NAXE: variants seen among roughly 807,000 people sequenced by gnomAD.
NAXE encodes NAD(P)H-hydrate epimerase.
In NAXE, 25 loss-of-function variants were observed where a neutral mutation model predicts 31.2. The ratio of observed to expected loss-of-function variants is 0.80; its 90% CI spans 0.58 to 1.12. The LOEUF (loss-of-function observed/expected upper bound fraction) is 1.12. Ranked by LOEUF, NAXE falls within the 50% of genes most tolerant of loss-of-function variation. NAXE has a pLI of 0.00. For missense variants in NAXE, 362 were observed against 376.1 expected (o/e 0.96, Z 0.31); for synonymous variants, 144 against 154.5 (o/e 0.93, Z 0.50).
Position 156,591,781 on chromosome 1 carries a change from G to GGGCCT in NAXE, c.-22_-21insCCTGG. The GGGCCT allele has an allele frequency of 1.3e-6, 2 of 1,491,226 alleles. No individual in the cohort carries two copies. The highest frequency in any genetic ancestry group is 1.3e-5 in the South Asian group (1 of 78,860). 92.4% of individuals were successfully genotyped at this position (1,491,226 alleles called of 1,614,324 possible). A position where few individuals can be genotyped will look rare whatever the true frequency, so the allele number is the denominator to read the frequency against. The stretch of plus-strand genomic sequence containing the variant: ...ACATGCGCCGGGGCCGGGCCGGGCC[G>GGGCCT]GGGGCGCGCGCTCTGCGAGCTGGAT... On this transcript the variant is annotated 5_prime_UTR_variant, in exon 1 of 6. Transcript: ENST00000368235.
At chr1:156,593,714 T>C in intron 5 of NAXE, 159 bp downstream of exon 5, 4 of 1,335,952 alleles carry the variant, frequency 3.0e-6, no homozygotes, top group Non-Finnish European at 4.1e-6. Flanking sequence ...CCCCTTTACA[T>C]GTTGGCCCCA....
At position 156,591,876 on chromosome 1, in the gene NAXE, C is replaced by G; in HGVS notation, c.72C>G (p.Ser24Arg). Residue 24 changes from serine (S) to arginine (R), a missense_variant, in exon 1 of 6, where the codon AGC becomes AGG. Coordinates refer to ENST00000368235, the MANE Select transcript of NAXE (RefSeq NM_144772.3). ...VAGSRVPRIK[S>R]QTIACRSGPT... Reference sequence around the variant, plus strand: ...GCTCGCGCGTGCCGCGGATCAAAAGCCAGACCATCGCCTGTCGCTCGGGAC... The same window carrying G: ...GCTCGCGCGTGCCGCGGATCAAAAGGCAGACCATCGCCTGTCGCTCGGGAC... 6.2e-7 allele frequency: 1 copy of G among 1,612,338 alleles called. No individual in the cohort carries two copies. Among genetic ancestry groups the G allele is most frequent in the Non-Finnish European group, 8.5e-7 (1 of 1,179,660 alleles).
Position 156,593,967 on chromosome 1 carries a change from G to A in NAXE, c.750G>A (p.Gln250=). 1 of 1,614,180 alleles carries A rather than the reference G, an allele frequency of 6.2e-7. No individual in the cohort carries two copies. Among genetic ancestry groups the A allele is most frequent in the Non-Finnish European group, 8.5e-7 (1 of 1,180,024 alleles). The part of the protein sequence containing the change: ...SLTAPKKSAT[Q]FTGRYHYLGG... ...CAGCCCCCAAAAAATCTGCAACCCAGTTTACCGGTCGCTACCATTACCTGG... is the reference window on the plus strand; with the variant it reads ...CAGCCCCCAAAAAATCTGCAACCCAATTTACCGGTCGCTACCATTACCTGG... The change falls in exon 6 of 6, where the codon CAG becomes CAA. Residue 250 remains glutamine, a synonymous_variant. Transcript: ENST00000368235.
intron 4 of NAXE, 55 bp downstream of exon 4, chr1:156,592,725 G>A: frequency 6.7e-7 from 1 of 1,482,228 alleles, no homozygotes. Flanking sequence ...CCTGTGCTCT[G>A]CTCTTCCTTC....
chr1:156,592,470 CTCTT>C lies in NAXE; in HGVS notation c.399_402del (p.Phe134AlafsTer21). Reference sequence around the variant, plus strand: ...TCTGGTCTGTGCTCGACACCTCAAACTCTTTGTGAGTATGTGGGGAGGGGCTGTG... The same window carrying C: ...TCTGGTCTGTGCTCGACACCTCAAACTGTGAGTATGTGGGGAGGGGCTGTG... On this transcript the variant is annotated frameshift_variant and splice_region_variant, in exon 3 of 6. Coordinates refer to ENST00000368235, the MANE Select transcript of NAXE (RefSeq NM_144772.3). LOFTEE classifies it high-confidence loss of function. The C allele has an allele frequency of 6.2e-7, 1 of 1,614,124 alleles. No homozygotes were observed. Among genetic ancestry groups the C allele is most frequent in the East Asian group, 2.2e-5 (1 of 44,876 alleles).
At chr1:156,592,343 C>G in intron 2 of NAXE, 22 bp from the exon 3 acceptor site, 1 of 1,612,324 alleles carries the variant, frequency 6.2e-7, no homozygotes. Context: ...CCCCGCCGAA[C>G]CACCCTTGAC....
chr1:156,592,941 G>A (rs544457190), intron 4 of NAXE: 18 of 493,950 alleles, frequency 3.6e-5, no homozygotes, highest in Non-Finnish European at 5.8e-5. Flanking sequence ...CTAGCATGCA[G>A]TAAACACATG....
At chr1:156,592,266 C>T (rs930865645) in intron 2 of NAXE, 57 bp downstream of exon 2, 1 of 1,605,178 alleles carries the variant, frequency 6.2e-7, no homozygotes, top group Non-Finnish European at 8.5e-7. Context: ...ACTGTCCCAG[C>T]CCCCTGGCCT....
chr1:156,591,931 T>C lies in NAXE; in HGVS notation c.127T>C (p.Ser43Pro), dbSNP rs757574137. The change falls in exon 1 of 6, where the codon TCG (serine) becomes CCG (proline). Residue 43 changes from serine (S) to proline (P), a missense_variant. Transcript: ENST00000368235. ...PTWWGPQRLN[S>P]GGRWDSEVMA... ...CTGGTGGGGACCGCAGCGGCTGAAC[T>C]CGGGTGGCCGCTGGGACTCAGAGGT... The C allele has an allele frequency of 5.6e-6, 9 of 1,612,702 alleles. No individual in the cohort carries two copies. Among genetic ancestry groups the C allele is most frequent in the Non-Finnish European group, 6.8e-6 (8 of 1,179,708 alleles).
At position 156,593,571 on chromosome 1, in the gene NAXE, AG is replaced by A. The variant is rs1453618709; in HGVS notation, c.664+18del. On this transcript the variant is annotated intron_variant, in intron 5 of 5. Transcript: ENST00000368235. ...ATTCCCTCAGGTGCTGGGATCCAGAAGGTGGGGTGGGGGAGATTGGGGCCCT... is the reference window on the plus strand; with the variant it reads ...ATTCCCTCAGGTGCTGGGATCCAGAAGTGGGGTGGGGGAGATTGGGGCCCT... 6.2e-7 allele frequency: 1 copy of A among 1,614,102 alleles called. No individual in the cohort carries two copies. The highest frequency in any genetic ancestry group is 1.7e-5 in the Admixed American group (1 of 60,008).
Position 156,593,519 on chromosome 1 carries a change from CT to C in NAXE, c.629del (p.Leu210ProfsTer64). On this transcript the variant is annotated frameshift_variant, in exon 5 of 6. Coordinates refer to ENST00000368235, the MANE Select transcript of NAXE (RefSeq NM_144772.3). LOFTEE classifies it high-confidence loss of function. ...FHSILSVLKG[L>X]TVPIASIDIP... is the part of the protein sequence containing the mutation. ...CAGCATCCTGAGTGTCCTGAAGGGA[CT>C]CACTGTGCCCATTGCCAGCATCGAC... The C allele has an allele frequency of 6.2e-7, 1 of 1,614,204 alleles. No homozygotes were observed. Among genetic ancestry groups the C allele is most frequent in the Non-Finnish European group, 8.5e-7 (1 of 1,180,034 alleles).
rs770023429 is a variant in NAXE at position 156,593,950 on chromosome 1, A to C, written c.733A>C (p.Lys245Gln). Residue 245 changes from lysine to glutamine, a missense_variant, in exon 6 of 6, where the codon AAA (lysine) becomes CAA (glutamine). Lys to Gln is a moderately conservative substitution (Grantham distance 53). Transcript: ENST00000368235. ...PDLLISLTAPKKSATQFTGRY... is the reference protein window; with the variant it reads ...PDLLISLTAPQKSATQFTGRY... Reference sequence around the variant, plus strand: ...CTTGCTCATATCCCTCACAGCCCCCAAAAAATCTGCAACCCAGTTTACCGG... The same window carrying C: ...CTTGCTCATATCCCTCACAGCCCCCCAAAAATCTGCAACCCAGTTTACCGG... 2.5e-5 allele frequency: 40 copies of C among 1,612,226 alleles called. No individual in the cohort carries two copies. In the East Asian group the frequency reaches 2.7e-4, roughly 11 times the overall value.
rs1020203921 is a variant in NAXE, at chr1:156,592,796, C to T, written c.516+126C>T. On this transcript the variant is annotated intron_variant, in intron 4 of 5. Transcript: ENST00000368235. ...CGGAAGGTGCCTAACGGATGGTATT[C>T]GAATAAGTGTGCAAGAGCCTTCTCC... is the stretch of plus-strand genomic sequence containing the variant. 4.2e-4 allele frequency: 351 copies of T among 836,898 alleles called. 1 individual carries two copies. The East Asian group carries it at 4.3e-3, about 10-fold the overall frequency. 51.8% of individuals were successfully genotyped at this position (836,898 alleles called of 1,614,324 possible).
chr1:156,591,978 G>A lies in NAXE; in HGVS notation c.174G>A (p.Lys58=), dbSNP rs1173030441. 5 of 1,613,368 alleles carry A rather than the reference G, an allele frequency of 3.1e-6. No individual in the cohort carries two copies. Among genetic ancestry groups the A allele is most frequent in the East Asian group, 2.2e-5 (1 of 44,876 alleles). ...DSEVMASTVV[K]YLSQEEAQAV... ...AGGTCATGGCGAGCACGGTGGTGAA[G>A]TACCTGAGGTAGGCACGGGTCTCGG... The change falls in exon 1 of 6, where the codon AAG becomes AAA. Residue 58 remains lysine, a synonymous_variant. Coordinates refer to ENST00000368235, the MANE Select transcript of NAXE (RefSeq NM_144772.3).
At chr1:156,593,760 T>C (rs1048315076) in intron 5 of NAXE, 122 bp from the exon 6 acceptor site, 20 of 1,344,138 alleles carry the variant, frequency 1.5e-5, no homozygotes, top group East Asian at 6.9e-5. Context: ...GTGGAGCTCG[T>C]TGGACGAGAG....
Position 156,594,164 on chromosome 1 carries a change from T to C in NAXE, c.*80T>C. 1 of 1,480,080 alleles carries C rather than the reference T, an allele frequency of 6.8e-7. No homozygotes were observed. The highest frequency in any genetic ancestry group is 9.3e-7 in the Non-Finnish European group (1 of 1,073,436). The allele number at this position is 1,480,080 out of a possible 1,614,324, so 91.7% of individuals were successfully genotyped here. A position where few individuals can be genotyped will look rare whatever the true frequency, so the allele number is the denominator to read the frequency against. Reference sequence around the variant, plus strand: ...AACTGTGGATTCCTGGGAGCTCCTCTGGCAATAAAAGTCAGTGAATGGTGG... The same window carrying C: ...AACTGTGGATTCCTGGGAGCTCCTCCGGCAATAAAAGTCAGTGAATGGTGG... On this transcript the variant is annotated 3_prime_UTR_variant, in exon 6 of 6. Transcript: ENST00000368235.
rs1296669644 is a variant in NAXE, at chr1:156,592,456, C to T, written c.383C>T (p.Ala128Val). 1 of 1,614,032 alleles carries T rather than the reference C, an allele frequency of 6.2e-7. No individual in the cohort carries two copies. Among genetic ancestry groups the T allele is most frequent in the Non-Finnish European group, 8.5e-7 (1 of 1,180,020 alleles). Residue 128 changes from alanine (A) to valine (V), a missense_variant, in exon 3 of 6, where the codon GCT becomes GTT. Coordinates refer to ENST00000368235, the MANE Select transcript of NAXE (RefSeq NM_144772.3). ...GNNGGDGLVC[A>V]RHLKLFGYEP... is the part of the protein sequence containing the mutation. ...AATGGAGGAGATGGTCTGGTCTGTGCTCGACACCTCAAACTCTTTGTGAGT... is the reference window on the plus strand; with the variant it reads ...AATGGAGGAGATGGTCTGGTCTGTGTTCGACACCTCAAACTCTTTGTGAGT...
rs538111108 is a variant in NAXE, at chr1:156,593,304, C to T, written c.517-104C>T. The T allele has an allele frequency of 2.6e-3, 3,680 of 1,419,122 alleles. 10 individuals carry two copies. The highest frequency in any genetic ancestry group is 3.0e-3 in the Non-Finnish European group (3,147 of 1,047,806). The allele number at this position is 1,419,122 out of a possible 1,614,324, so 87.9% of individuals were successfully genotyped here. A position where few individuals can be genotyped will look rare whatever the true frequency, so the allele number is the denominator to read the frequency against. ...GCTGCCCTCTGAATGAGACACAATA[C>T]TTGTGCCTCTGAGAATGGTCTGCAG... On this transcript the variant is annotated intron_variant, in intron 4 of 5. Coordinates refer to ENST00000368235, the MANE Select transcript of NAXE (RefSeq NM_144772.3).
intron 4 of NAXE, 21 bp from the exon 5 acceptor site, chr1:156,593,387 C>T: frequency 6.2e-7 from 1 of 1,606,816 alleles, no homozygotes; most frequent in East Asian, 2.2e-5. Flanking sequence ...GCTCTGACAT[C>T]CTTTTCCTGC....
Sources: gnomAD v4.1 joint callset for allele counts on GRCh38, gnomAD v4.1.1 for gene constraint, MANE v1.5 for transcripts, NCBI Gene and HGNC (gene_info 2026-07-23, HGNC 2026-07-21) for gene names.